The following SLC8B1 variants were observed in gnomAD, a reference collection of about 807,000 sequenced individuals.
SLC8B1 encodes the protein solute carrier family 8 member B1.
A neutral mutation model predicts 63.4 loss-of-function variants in SLC8B1; 52 were observed. The ratio of observed to expected loss-of-function variants is 0.82; its 90% CI spans 0.66 to 1.03. The LOEUF is 1.03. Among genes scored for constraint, SLC8B1 ranks in the 50% least tolerant of loss-of-function variants. The pLI is 0.00. For missense variants in SLC8B1, 657 were observed against 741.7 expected, an observed-to-expected ratio of 0.89 and a Z score of 1.33; for synonymous variants, 336 against 323.9, an observed-to-expected ratio of 1.04 and a Z score of -0.40.
Position 113,306,484 on chromosome 12 carries a change from A to G in SLC8B1, c.1492+11T>C. 6.2e-7 allele frequency: 1 copy of G among 1,607,692 alleles called. No individual in the cohort carries two copies. Among genetic ancestry groups the G allele is most frequent in the Non-Finnish European group, 8.5e-7 (1 of 1,176,518 alleles). ...CCAGTGCTAAGGCCAAGAACAGACC[A>G]CAAAGGATACTGAAGATGATGCCGC... On this transcript the variant is annotated intron_variant, in intron 14 of 15. Transcript: ENST00000680972.
At chr12:113,327,184 T>C (rs1451628736) in intron 2 of SLC8B1, among the ~76,000 whole-genome samples, 1 of 151,982 alleles carries the variant, frequency 6.6e-6, no homozygotes, top group Non-Finnish European at 1.5e-5. Flanking sequence ...GGACACTAGA[T>C]GGGGGCCAGG....
At chr12:113,330,831 T>C (rs1197208529) in intron 2 of SLC8B1, among the ~76,000 whole-genome samples, 2 of 152,162 alleles carry the variant, frequency 1.3e-5, no homozygotes, top group Admixed American at 6.5e-5. Flanking sequence ...GCTGAAGAAA[T>C]GGTGAGAACT....
At chr12:113,311,876 T>C (rs889757624) in intron 11 of SLC8B1, among the ~76,000 whole-genome samples, 10 of 151,850 alleles carry the variant, frequency 6.6e-5, no homozygotes, top group Admixed American at 5.3e-4. Context: ...GCTCCTGAGA[T>C]AATTTTGCCA....
intron 7 of SLC8B1, among the ~76,000 whole-genome samples, chr12:113,319,706 G>A (rs190965865): frequency 4.6e-5 from 7 of 152,230 alleles, no homozygotes; most frequent in African/African-American, 9.6e-5. Flanking sequence ...CCCTTGAGCC[G>A]TCTGAATGGA....
intron 2 of SLC8B1, 95 bp downstream of exon 2, chr12:113,332,628 G>C: frequency 7.1e-7 from 1 of 1,407,902 alleles, no homozygotes; most frequent in Non-Finnish European, 9.5e-7. Context: ...CCCAGGCTGC[G>C]GTCAGTGCCT....
At position 113,299,672 on chromosome 12, in the gene SLC8B1, C is replaced by G. The variant is rs866173277; in HGVS notation, c.*105G>C. Reference sequence around the variant, plus strand: ...TCTCCAGCAGCAAGGGCCGCACTCTCGTGCCCACAAGGGCCTTGCAGAAAT... The same window carrying G: ...TCTCCAGCAGCAAGGGCCGCACTCTGGTGCCCACAAGGGCCTTGCAGAAAT... On this transcript the variant is annotated 3_prime_UTR_variant, in exon 16 of 16. Transcript: ENST00000680972. 9.0e-7 allele frequency: 1 copy of G among 1,111,258 alleles called. No homozygotes were observed. Among genetic ancestry groups the G allele is most frequent in the Admixed American group, 1.9e-5 (1 of 52,810 alleles). The allele number at this position is 1,111,258 out of a possible 1,614,324, so 68.8% of individuals were successfully genotyped here.
At chr12:113,304,555 G>A (rs142094100) in intron 14 of SLC8B1, among the ~76,000 whole-genome samples, 170 bp from the exon 15 acceptor site, 4 of 152,260 alleles carry the variant, frequency 2.6e-5, no homozygotes, top group African/African-American at 9.6e-5. Context: ...GGAGGCCAAG[G>A]CAGGAGGATC....
rs757297764 is a variant in SLC8B1 at position 113,307,733 on chromosome 12, C to G, written c.1369G>C (p.Val457Leu). Residue 457 changes from valine to leucine, a missense_variant, in exon 13 of 16, where the codon GTG becomes CTG. Physicochemically the swap from Val to Leu is conservative, Grantham distance 32. Coordinates refer to ENST00000680972, the MANE Select transcript of SLC8B1 (RefSeq NM_001358345.2). ...LGVVFRLSNT[V>L]LGLTLLAWGN... is the part of the protein sequence containing the mutation. Reference sequence around the variant, plus strand: ...CAGGCCAGCAGCGTGAGCCCCAGCACAGTGTTGCTCAGCCGGAAGACCACA... The same window carrying G: ...CAGGCCAGCAGCGTGAGCCCCAGCAGAGTGTTGCTCAGCCGGAAGACCACA... The G allele has an allele frequency of 8.7e-6, 14 of 1,613,984 alleles. No homozygotes were observed. The highest frequency in any genetic ancestry group is 1.0e-5 in the Non-Finnish European group (12 of 1,180,046).
rs986792564 is a variant in SLC8B1 at position 113,305,920 on chromosome 12, G to A, written c.1492+575C>T. Among the ~76,000 whole-genome samples the A allele has an allele frequency of 2.6e-5, 4 of 151,778 alleles. No individual in the cohort carries two copies. Among genetic ancestry groups the A allele is most frequent in the Non-Finnish European group, 4.4e-5 (3 of 67,962 alleles). On this transcript the variant is annotated intron_variant, in intron 14 of 15. Coordinates refer to ENST00000680972, the MANE Select transcript of SLC8B1 (RefSeq NM_001358345.2). This position sits in a 1 kb window ranked among gnomAD's most constrained non-coding sequence, Gnocchi z 4.3. ...CTAAAAATACAAAAATTAGCTGGGCGTGGTCGTGGGCGCCTGTAGTCCCAG... is the reference window on the plus strand; with the variant it reads ...CTAAAAATACAAAAATTAGCTGGGCATGGTCGTGGGCGCCTGTAGTCCCAG...
chr12:113,304,430 A>G (rs1330589951), intron 14 of SLC8B1, 45 bp from the exon 15 acceptor site: 1 of 1,557,300 alleles, frequency 6.4e-7, no homozygotes, highest in Non-Finnish European at 8.8e-7. Context: ...CCTGCACATA[A>G]CCCAACCACA....
intron 15 of SLC8B1, among the ~76,000 whole-genome samples, chr12:113,301,238 G>T (rs967973524): frequency 6.6e-6 from 1 of 151,938 alleles, no homozygotes; most frequent in African/African-American, 2.4e-5. Flanking sequence ...AAACAGTAGA[G>T]TCTGGGTGGT....
chr12:113,316,783 G>T, intron 9 of SLC8B1, 127 bp from the exon 10 acceptor site: 1 of 1,511,814 alleles, frequency 6.6e-7, no homozygotes, highest in South Asian at 1.2e-5. Flanking sequence ...CTCGGCAGAG[G>T]GCAGACAACC....
intron 8 of SLC8B1, among the ~76,000 whole-genome samples, chr12:113,317,840 G>A (rs1423881017): frequency 1.3e-5 from 2 of 151,980 alleles, no homozygotes; most frequent in Non-Finnish European, 2.9e-5. Flanking sequence ...GTGTATGTGA[G>A]TGCATGAATT....
intron 15 of SLC8B1, among the ~76,000 whole-genome samples, chr12:113,300,835 A>AT (rs200250582): frequency 0.028 from 4,214 of 152,292 alleles, 95 homozygotes; most frequent in South Asian, 0.074. Context: ...ATGCATCAAG[A>AT]AACAATATGG....
intron 2 of SLC8B1, among the ~76,000 whole-genome samples, chr12:113,328,494 G>A (rs2136866996): frequency 6.6e-6 from 1 of 152,232 alleles, no homozygotes; most frequent in Admixed American, 6.5e-5. Flanking sequence ...GCTCTCCTTT[G>A]CCTGTTTTTG....
intron 2 of SLC8B1, among the ~76,000 whole-genome samples, chr12:113,329,083 C>T (rs1264116365): frequency 6.6e-6 from 1 of 152,166 alleles, no homozygotes; most frequent in African/African-American, 2.4e-5. Context: ...TCTGCCCCTC[C>T]CACTAAAGTC....
intron 15 of SLC8B1, chr12:113,302,709 C>A: frequency 2.2e-6 from 1 of 456,136 alleles, no homozygotes; most frequent in South Asian, 1.5e-5. Flanking sequence ...GTCTCCAACC[C>A]ACAGATGAAG....
chr12:113,321,365 A>AGGG lies in SLC8B1; in HGVS notation c.157-20_157-18dup, dbSNP rs1378300010. The AGGG allele has an allele frequency of 6.2e-7, 1 of 1,614,078 alleles. No homozygotes were observed. Among genetic ancestry groups the AGGG allele is most frequent in the Non-Finnish European group, 8.5e-7 (1 of 1,179,982 alleles). ...CTTGCGGCACTGCAGGAAGACAGGG[A>AGGG]GGGGGACATCAGCGGCAGAGACTTC... On this transcript the variant is annotated splice_polypyrimidine_tract_variant and intron_variant, in intron 2 of 15. Coordinates refer to ENST00000680972, the MANE Select transcript of SLC8B1 (RefSeq NM_001358345.2).
intron 11 of SLC8B1, among the ~76,000 whole-genome samples, chr12:113,312,527 G>A (rs549949345): frequency 6.6e-6 from 1 of 152,084 alleles, no homozygotes; most frequent in South Asian, 2.1e-4. Context: ...CCTAGAGATG[G>A]GGGAGGCTGG....
Sources: gnomAD v4.1 joint callset for allele counts (sites outside exome capture counted in the v4.1 genomes callset) on GRCh38, gnomAD v4.1.1 for gene constraint, Gnocchi (gnomAD v3.1) non-coding constraint, MANE v1.5 for transcripts, NCBI Gene and HGNC (gene_info 2026-07-23, HGNC 2026-07-21) for gene names.